Variants in STEEP1 observed in about 807,000 individuals in gnomAD.
STEEP1 encodes the protein STING1 ER exit protein 1, also known as STING ER exit protein.
STEEP1 carries 3 observed loss-of-function variants against 19.2 expected under a neutral mutation model. That is an observed-to-expected ratio of 0.16 (90% CI 0.07 to 0.40). The LOEUF (loss-of-function observed/expected upper bound fraction) is 0.40, where lower values mean the gene tolerates loss of function less well. Ranked by LOEUF, STEEP1 falls within the 10% of genes least tolerant of loss-of-function variation. The probability of loss-of-function intolerance (pLI) is 0.99; values close to 1 mark genes in which losing one functional copy is unlikely to be tolerated. For missense variants in STEEP1, 54 were observed against 177.1 expected (o/e 0.30, Z 3.94); for synonymous variants, 46 against 63.7 (o/e 0.72, Z 1.32).
At chrX:119,543,218 T>C (rs2053177839) in intron 4 of STEEP1, among the ~76,000 whole-genome samples, 1 of 107,304 alleles carries the variant, frequency 9.3e-6, no homozygotes, top group Admixed American at 1.0e-4. Flanking sequence ...AGATGGAGTC[T>C]CACTATTGTT....
rs532020597 is a variant in STEEP1 at position 119,539,374 on chromosome X, T to C, written c.*353A>G. The C allele has an allele frequency of 8.8e-4, 114 of 129,579 alleles. No individual in the cohort carries two copies. The South Asian group carries it at 0.027, about 31-fold the overall frequency. 10.7% of individuals were successfully genotyped at this position (129,579 alleles called of 1,213,427 possible). The stretch of plus-strand genomic sequence containing the variant: ...TGGTGGAACCCGTCTCTACTAAAAA[T>C]ACAAAAATTAGCCAGGCGTGGTGGC... On this transcript the variant is annotated 3_prime_UTR_variant, in exon 7 of 7. Coordinates refer to ENST00000644802, the MANE Select transcript of STEEP1 (RefSeq NM_022101.4).
intron 2 of STEEP1, 106 bp from the exon 3 acceptor site, chrX:119,545,610 T>C (rs1465860878): frequency 1.8e-6 from 1 of 545,745 alleles, no homozygotes; most frequent in Non-Finnish European, 3.1e-6. Flanking sequence ...AAGTTTTCAT[T>C]TGGGGGCCGG....
At chrX:119,551,480 C>CAA (rs61569225) in intron 2 of STEEP1, among the ~76,000 whole-genome samples, 1 of 86,416 alleles carries the variant, frequency 1.2e-5, no homozygotes, top group African/African-American at 4.2e-5. Flanking sequence ...AACTCTGTCT[C>CAA]AAAAAAAAAA....
chrX:119,558,125 T>G (rs1365957032), intron 2 of STEEP1, among the ~76,000 whole-genome samples: 3 of 111,014 alleles, frequency 2.7e-5, no homozygotes, highest in African/African-American at 9.8e-5. Context: ...GCCAGCCTGG[T>G]CTCGAACTCC....
At chrX:119,558,920 TA>T (rs778628340) in intron 2 of STEEP1, among the ~76,000 whole-genome samples, 3 of 110,604 alleles carry the variant, frequency 2.7e-5, no homozygotes, top group Non-Finnish European at 5.7e-5. Context: ...CACCCCTGCT[TA>T]AAAAACAGAG....
intron 2 of STEEP1, among the ~76,000 whole-genome samples, chrX:119,552,692 T>G (rs1271989580): frequency 8.9e-6 from 1 of 112,409 alleles, no homozygotes; most frequent in Non-Finnish European, 1.9e-5. Context: ...AAGCACATTA[T>G]CTAAATCCAG....
Position 119,539,553 on chromosome X carries a change from AAGCAAGTT to A in STEEP1, c.*166_*173del. The A allele has an allele frequency of 5.4e-6, 2 of 370,351 alleles. No individual in the cohort carries two copies. Among genetic ancestry groups the A allele is most frequent in the African/African-American group, 2.6e-5 (1 of 38,651 alleles). The allele number at this position is 370,351 out of a possible 1,213,427, so 30.5% of individuals were successfully genotyped here. Reference sequence around the variant, plus strand: ...CTCAAAAAAAAAAAAAAAAAAAAGAAAGCAAGTTAAATGGACTCAGTTAAAGACCTCAC... The same window carrying A: ...CTCAAAAAAAAAAAAAAAAAAAAGAAAAATGGACTCAGTTAAAGACCTCAC... On this transcript the variant is annotated 3_prime_UTR_variant, in exon 7 of 7. Transcript: ENST00000644802.
intron 2 of STEEP1, among the ~76,000 whole-genome samples, chrX:119,549,389 T>C (rs1430865121): frequency 1.8e-5 from 2 of 111,514 alleles, no homozygotes; most frequent in African/African-American, 6.5e-5. Context: ...AATTAACACA[T>C]CATATTGATA....
Position 119,559,891 on chromosome X carries a change from A to G in STEEP1, c.242+377T>C, listed in dbSNP as rs761379342. The stretch of plus-strand genomic sequence containing the variant: ...TGGTGAAACTGCGTCTCTACTAAAA[A>G]TACAAAAATTAGCTGGGCGTGGTGG... On this transcript the variant is annotated intron_variant, in intron 2 of 6. Transcript: ENST00000644802. Among the ~76,000 whole-genome samples the G allele has an allele frequency of 2.6e-4, 15 of 57,323 alleles. No homozygotes were observed. In the Admixed American group the frequency reaches 2.7e-3, roughly 10 times the overall value. The allele number at this position is 57,323 out of a possible 115,157, so 49.8% of individuals were successfully genotyped here.
intron 3 of STEEP1, among the ~76,000 whole-genome samples, 159 bp downstream of exon 3, chrX:119,545,304 G>A (rs752504138): frequency 9.4e-6 from 1 of 106,089 alleles, no homozygotes; most frequent in East Asian, 3.0e-4. Flanking sequence ...GGTGACCTGA[G>A]ATTGCACCAC....
At chrX:119,555,706 C>T (rs752983796) in intron 2 of STEEP1, among the ~76,000 whole-genome samples, 16 of 110,609 alleles carry the variant, frequency 1.4e-4, no homozygotes, top group South Asian at 3.8e-4. Context: ...ACTGAAATAA[C>T]GGCAGTGCAG....
intron 2 of STEEP1, among the ~76,000 whole-genome samples, chrX:119,550,630 A>C (rs2053235980): frequency 8.9e-6 from 1 of 112,106 alleles, no homozygotes; most frequent in African/African-American, 3.2e-5. Context: ...ACATAGCTGC[A>C]AATCTTCATA....
intron 5 of STEEP1, among the ~76,000 whole-genome samples, chrX:119,541,631 G>A (rs191625470): frequency 5.0e-4 from 56 of 112,298 alleles, no homozygotes; most frequent in African/African-American, 1.6e-3. Flanking sequence ...TTGAGACAGA[G>A]ACTGACTCTG....
chrX:119,545,129 G>A (rs894726009), intron 3 of STEEP1, among the ~76,000 whole-genome samples: 2 of 109,382 alleles, frequency 1.8e-5, no homozygotes, highest in East Asian at 2.9e-4. Context: ...TGAGGTGGGC[G>A]GATGAACTCA....
At chrX:119,545,680 T>C (rs762473761) in intron 2 of STEEP1, among the ~76,000 whole-genome samples, 176 bp from the exon 3 acceptor site, 2 of 111,777 alleles carry the variant, frequency 1.8e-5, no homozygotes, top group South Asian at 7.4e-4. Flanking sequence ...GCGGATCACC[T>C]GAGGTCAGGA....
intron 2 of STEEP1, among the ~76,000 whole-genome samples, chrX:119,557,085 G>A (rs1322707328): frequency 9.6e-6 from 1 of 104,137 alleles, no homozygotes; most frequent in Non-Finnish European, 2.0e-5. Flanking sequence ...GAACCCAGGA[G>A]GCAGAGGTTG....
intron 2 of STEEP1, among the ~76,000 whole-genome samples, chrX:119,547,678 T>A (rs902576940): frequency 8.9e-6 from 1 of 112,041 alleles, no homozygotes; most frequent in Non-Finnish European, 1.9e-5. Flanking sequence ...TTTGACTTTT[T>A]CCACCATGTG....
chrX:119,556,673 A>C (rs2053280835), intron 2 of STEEP1, among the ~76,000 whole-genome samples: 3 of 110,998 alleles, frequency 2.7e-5, no homozygotes, highest in Non-Finnish European at 3.8e-5. Flanking sequence ...TTTGGCCTTC[A>C]TCATGTTGGA....
intron 2 of STEEP1, among the ~76,000 whole-genome samples, chrX:119,552,974 C>A (rs751355191): frequency 9.0e-6 from 1 of 110,573 alleles, no homozygotes; most frequent in South Asian, 3.8e-4. Flanking sequence ...ACCAGCCTGG[C>A]CAACATGGTG....
Sources: gnomAD v4.1 joint callset for allele counts (sites outside exome capture counted in the v4.1 genomes callset) on GRCh38, gnomAD v4.1.1 for gene constraint, MANE v1.5 for transcripts, NCBI Gene and HGNC (gene_info 2026-07-23, HGNC 2026-07-21) for gene names.